Variants in MAPK4 observed in about 807,000 individuals in gnomAD.
MAPK4 encodes mitogen-activated protein kinase 4, also known as Erk3-related.
Under a neutral mutation model 47.7 loss-of-function variants are expected in MAPK4, and 22 were observed. The observed-to-expected ratio is 0.46, with a 90% CI of 0.33 to 0.66. The LOEUF (loss-of-function observed/expected upper bound fraction) is 0.66, where lower values mean the gene tolerates loss of function less well. Ranked by LOEUF, MAPK4 falls within the 30% of genes least tolerant of loss-of-function variation. MAPK4 has a pLI of 0.02. For synonymous variants in MAPK4, 390 were observed against 365.7 expected (o/e 1.07, Z -0.76); for missense variants, 736 against 831.7 (o/e 0.88, Z 1.42).
intron 2 of MAPK4, among the ~76,000 whole-genome samples, chr18:50,670,905 C>A (rs1242306719): frequency 6.6e-6 from 1 of 152,196 alleles, no homozygotes; most frequent in Non-Finnish European, 1.5e-5. Context: ...GCCCAGCAAT[C>A]TGTGTTTTCA....
At chr18:50,646,763 G>A (rs2042993381) in intron 1 of MAPK4, among the ~76,000 whole-genome samples, 1 of 152,092 alleles carries the variant, frequency 6.6e-6, no homozygotes, top group Admixed American at 6.5e-5. Context: ...GCCTCCCATG[G>A]CCCAGCAGAA....
intron 1 of MAPK4, among the ~76,000 whole-genome samples, chr18:50,648,152 G>A (rs779183745): frequency 2.0e-5 from 3 of 152,038 alleles, no homozygotes; most frequent in Non-Finnish European, 2.9e-5. Flanking sequence ...AGCACTGTGG[G>A]TGTGTGTGTT....
In MAPK4 at chr18:50,599,488, G is replaced by A. The variant is rs535507287; in HGVS notation, c.-871+39245G>A. The stretch of plus-strand genomic sequence containing the variant: ...GGTTGGAGTACAGGGGTACAATCTC[G>A]GCTCACTGCAACCTTTGCCTTTTGG... On this transcript the variant is annotated intron_variant, in intron 1 of 5. Transcript: ENST00000400384. Among the ~76,000 whole-genome samples, 13 of 152,180 alleles carry A rather than the reference G, an allele frequency of 8.5e-5. No individual in the cohort carries two copies. In the South Asian group the frequency reaches 2.7e-3, roughly 32 times the overall value.
chr18:50,706,841 G>T (rs1401343974), intron 2 of MAPK4, among the ~76,000 whole-genome samples: 1 of 152,154 alleles, frequency 6.6e-6, no homozygotes, highest in Non-Finnish European at 1.5e-5. Flanking sequence ...GTCCTGGTGA[G>T]GATGGTGGTA....
At chr18:50,708,666 C>T (rs1325299934) in intron 2 of MAPK4, among the ~76,000 whole-genome samples, 1 of 152,164 alleles carries the variant, frequency 6.6e-6, no homozygotes, top group Admixed American at 6.5e-5. Context: ...TGTGCTTGGA[C>T]CCTCTGCTTG....
rs1911431512 is a variant in MAPK4 at position 50,729,634 on chromosome 18, A to C, written c.1544A>C (p.Glu515Ala). ...GCCAGCCCGCCCGCCGACGACCCCGAGCGCCGCTTGTCTGCCTCGCCCCCC... is the reference window on the plus strand; with the variant it reads ...GCCAGCCCGCCCGCCGACGACCCCGCGCGCCGCTTGTCTGCCTCGCCCCCC... Reference protein sequence around the residue: ...EHASPPADDPERRLSASPPGR... With the variant: ...EHASPPADDPARRLSASPPGR... The change falls in exon 6 of 6, where the codon GAG becomes GCG. Residue 515 changes from glutamate (E) to alanine (A), a missense_variant. By Grantham distance (107) the Glu-to-Ala change is moderately radical (BLOSUM62 -1). This residue lies in a region of MAPK4 where 377 missense variants were observed against 378.6 expected (regional missense o/e 1.00). Coordinates refer to ENST00000400384, the MANE Select transcript of MAPK4 (RefSeq NM_002747.4). 6.9e-7 allele frequency: 1 copy of C among 1,456,514 alleles called. No homozygotes were observed. The highest frequency in any genetic ancestry group is 2.7e-5 in the Admixed American group (1 of 36,756). 90.2% of individuals were successfully genotyped at this position (1,456,514 alleles called of 1,614,324 possible). A position where few individuals can be genotyped will look rare whatever the true frequency, so the allele number is the denominator to read the frequency against.
intron 1 of MAPK4, among the ~76,000 whole-genome samples, chr18:50,574,565 A>C (rs2042278537): frequency 6.6e-6 from 1 of 152,226 alleles, no homozygotes; most frequent in South Asian, 2.1e-4. Context: ...CTTTTGCTGC[A>C]ACAGTTATTA....
intron 1 of MAPK4, among the ~76,000 whole-genome samples, chr18:50,643,331 G>A (rs1425884118): frequency 1.3e-5 from 2 of 152,198 alleles, no homozygotes; most frequent in Admixed American, 1.3e-4. Context: ...TGGCCAACAT[G>A]GTGAAACCCC....
chr18:50,652,794 C>T (rs560030706), intron 1 of MAPK4, among the ~76,000 whole-genome samples: 28 of 152,152 alleles, frequency 1.8e-4, no homozygotes, highest in African/African-American at 5.8e-4. Context: ...AAGAGGGGGA[C>T]ACAGCCTGAA....
chr18:50,608,543 A>G (rs1454891670), intron 1 of MAPK4, among the ~76,000 whole-genome samples: 2 of 152,158 alleles, frequency 1.3e-5, no homozygotes, highest in Non-Finnish European at 2.9e-5. Context: ...TCATGCAGGG[A>G]CCAATGATCC....
chr18:50,711,292 T>A (rs911497155), intron 2 of MAPK4, among the ~76,000 whole-genome samples: 1 of 151,928 alleles, frequency 6.6e-6, no homozygotes, highest in Non-Finnish European at 1.5e-5. Flanking sequence ...GACAGCAAAA[T>A]GGGTGGATGG....
intron 1 of MAPK4, among the ~76,000 whole-genome samples, chr18:50,571,180 T>A (rs1351786130): frequency 6.6e-6 from 1 of 152,192 alleles, no homozygotes; most frequent in Non-Finnish European, 1.5e-5. Flanking sequence ...GAGCCTTTTA[T>A]GTATTCCACA....
chr18:50,571,727 A>G (rs371897542), intron 1 of MAPK4, among the ~76,000 whole-genome samples: 121 of 152,326 alleles, frequency 7.9e-4, no homozygotes, highest in East Asian at 2.7e-3. Context: ...TTTCGAGACC[A>G]TCTTGTCTGC....
chr18:50,685,559 C>T (rs553058546), intron 2 of MAPK4, among the ~76,000 whole-genome samples: 5 of 152,320 alleles, frequency 3.3e-5, no homozygotes, highest in East Asian at 3.9e-4. Context: ...GGGGAGGCAC[C>T]GGGATGGCAT....
chr18:50,636,355 T>C (rs1442437880), intron 1 of MAPK4, among the ~76,000 whole-genome samples: 3 of 152,250 alleles, frequency 2.0e-5, no homozygotes, highest in Admixed American at 6.5e-5. Context: ...GCAGGGGCTA[T>C]GTCTGACTGT....
intron 1 of MAPK4, among the ~76,000 whole-genome samples, chr18:50,662,031 GC>G (rs1179721865): frequency 1.3e-5 from 2 of 152,124 alleles, no homozygotes; most frequent in African/African-American, 2.4e-5. Context: ...CCCCTAATTT[GC>G]CCCCTTAATT....
rs780978439 is a variant in MAPK4, at chr18:50,726,191, G to C, written c.1067+16G>C. On this transcript the variant is annotated intron_variant, in intron 5 of 5. Transcript: ENST00000400384. ...GCAGTTCCAGGTGCTCGCAGCCCTG[G>C]GTTCCAGAGCCCACATTTCCCTGTC... 4 of 1,612,528 alleles carry C rather than the reference G, an allele frequency of 2.5e-6. No homozygotes were observed. Among genetic ancestry groups the C allele is most frequent in the Non-Finnish European group, 3.4e-6 (4 of 1,179,530 alleles).
chr18:50,688,343 T>C (rs758483732), intron 2 of MAPK4, among the ~76,000 whole-genome samples: 8 of 152,140 alleles, frequency 5.3e-5, no homozygotes, highest in Non-Finnish European at 1.2e-4. Context: ...ACTGGAAATG[T>C]CTGGGCTCCA....
intron 5 of MAPK4, among the ~76,000 whole-genome samples, chr18:50,726,592 G>C (rs1455518128): frequency 1.3e-5 from 2 of 152,226 alleles, no homozygotes; most frequent in East Asian, 3.9e-4. Context: ...TTTCATGTTG[G>C]TAACTCTTAA....
Sources: allele counts gnomAD v4.1 joint callset (sites outside exome capture counted in the v4.1 genomes callset), GRCh38; gene constraint gnomAD v4.1.1; regional missense constraint gnomAD v4.1.1; transcripts MANE v1.5; gene names NCBI Gene and HGNC (gene_info 2026-07-23, HGNC 2026-07-21).